The following TGFBR3 variants were observed in gnomAD, a reference collection of about 807,000 sequenced individuals.
TGFBR3 encodes transforming growth factor beta receptor type 3.
In TGFBR3, 46 loss-of-function variants were observed where a neutral mutation model predicts 87.9. The observed-to-expected ratio is 0.52, with a 90% confidence interval of 0.41 to 0.67. TGFBR3 has a LOEUF of 0.67. Among genes scored for constraint, TGFBR3 ranks in the 30% least tolerant of loss-of-function variants. The pLI, the probability that TGFBR3 is intolerant of heterozygous loss-of-function variation, is 0.00. For missense variants in TGFBR3, 866 were observed against 1,041.9 expected, an observed-to-expected ratio of 0.83 and a Z score of 2.32; for synonymous variants, 381 against 391.6, an observed-to-expected ratio of 0.97 and a Z score of 0.32.
intron 16 of TGFBR3, among the ~76,000 whole-genome samples, chr1:91,691,493 G>GTA (rs1381675593): frequency 6.6e-6 from 1 of 152,204 alleles, no homozygotes; most frequent in Non-Finnish European, 1.5e-5. Context: ...AGGAAAAAGT[G>GTA]TCTATAATCT....
chr1:91,789,156 A>G (rs889945329), intron 3 of TGFBR3, among the ~76,000 whole-genome samples: 1 of 152,098 alleles, frequency 6.6e-6, no homozygotes, highest in African/African-American at 2.4e-5. Context: ...AAAATACAAA[A>G]ATTAGCTGGG....
chr1:91,765,069 G>A (rs72716409), intron 3 of TGFBR3, among the ~76,000 whole-genome samples: 6,417 of 151,328 alleles, frequency 0.042, 228 homozygotes, highest in African/African-American at 0.095. Flanking sequence ...TTTCTTTTTC[G>A]TTCATGAGTT....
intron 14 of TGFBR3, among the ~76,000 whole-genome samples, chr1:91,704,568 G>A (rs998738376): frequency 6.6e-6 from 1 of 152,144 alleles, no homozygotes; most frequent in Non-Finnish European, 1.5e-5. Context: ...ATACAGAGGT[G>A]CTATGAGGAT....
At chr1:91,737,010 G>A (rs1672989432) in intron 4 of TGFBR3, among the ~76,000 whole-genome samples, 1 of 152,214 alleles carries the variant, frequency 6.6e-6, no homozygotes, top group African/African-American at 2.4e-5. Context: ...TCCGAATTGT[G>A]TCCTGAAGTA....
chr1:91,688,010 G>A (rs920850654), intron 16 of TGFBR3, among the ~76,000 whole-genome samples: 35 of 152,114 alleles, frequency 2.3e-4, no homozygotes, highest in African/African-American at 7.2e-4. Flanking sequence ...CAGAGTGAAC[G>A]ATACTACCTT....
intron 1 of TGFBR3, among the ~76,000 whole-genome samples, chr1:91,870,244 C>T (rs17131583): frequency 0.028 from 4,197 of 152,304 alleles, 156 homozygotes; most frequent in African/African-American, 0.084. Context: ...TAGTCCTCAC[C>T]TCATTCCAAA....
chr1:91,708,948 G>C (rs1371945029), intron 13 of TGFBR3, among the ~76,000 whole-genome samples, 165 bp from the exon 14 acceptor site: 1 of 152,190 alleles, frequency 6.6e-6, no homozygotes, highest in Non-Finnish European at 1.5e-5. Flanking sequence ...AATAACCTGG[G>C]AGATATGACA....
At chr1:91,880,606 T>A (rs865788507) in intron 1 of TGFBR3, among the ~76,000 whole-genome samples, 1 of 151,248 alleles carries the variant, frequency 6.6e-6, no homozygotes, top group Non-Finnish European at 1.5e-5. Flanking sequence ...CCAAAAAAAA[T>A]AAAAATAAAA....
At chr1:91,871,026 G>C (rs1305357671) in intron 1 of TGFBR3, among the ~76,000 whole-genome samples, 2 of 150,818 alleles carry the variant, frequency 1.3e-5, no homozygotes, top group Admixed American at 1.3e-4. Flanking sequence ...AACAGAGTGG[G>C]ACTCTGCTCT....
chr1:91,853,239 T>C (rs2101153954), intron 2 of TGFBR3, among the ~76,000 whole-genome samples: 1 of 139,408 alleles, frequency 7.2e-6, no homozygotes, highest in South Asian at 2.3e-4. Context: ...ACTAGCTGTG[T>C]TCTAAGACCT....
At chr1:91,865,202 CAAAAA>C (rs67134125) in intron 1 of TGFBR3, among the ~76,000 whole-genome samples, 2 of 105,258 alleles carry the variant, frequency 1.9e-5, no homozygotes, top group Non-Finnish European at 3.8e-5. Context: ...GACTCCATCT[CAAAAA>C]AAAAAAAAAA....
At chr1:91,800,851 G>A (rs1041904081) in intron 2 of TGFBR3, 9 of 163,218 alleles carry the variant, frequency 5.5e-5, no homozygotes, top group Non-Finnish European at 8.1e-5. Flanking sequence ...TCAGGAGGCC[G>A]AAGCGGGTGG....
At chr1:91,847,073 A>T (rs1677531251) in intron 2 of TGFBR3, among the ~76,000 whole-genome samples, 2 of 152,234 alleles carry the variant, frequency 1.3e-5, no homozygotes. Context: ...AACAGTGATG[A>T]GGCCAGAGAA....
At chr1:91,726,986 T>C (rs988826145) in intron 7 of TGFBR3, among the ~76,000 whole-genome samples, 1 of 152,250 alleles carries the variant, frequency 6.6e-6, no homozygotes, top group African/African-American at 2.4e-5. Context: ...GGAAACCAGC[T>C]GCTGTTTGCC....
At chr1:91,734,730 T>C (rs770465439) in intron 5 of TGFBR3, 46 bp downstream of exon 5, 4 of 1,603,802 alleles carry the variant, frequency 2.5e-6, no homozygotes, top group South Asian at 2.2e-5. Context: ...AAGAAAACAA[T>C]TGCCTGTCAT....
At chr1:91,801,096 AAAAAG>A (rs1178211703) in intron 2 of TGFBR3, 8 of 222,418 alleles carry the variant, frequency 3.6e-5, no homozygotes, top group Non-Finnish European at 6.3e-5. Context: ...AAAAAAAAAA[AAAAAG>A]AGAGAGAGAG....
chr1:91,856,465 G>A (rs370938982), intron 2 of TGFBR3, among the ~76,000 whole-genome samples: 1 of 151,720 alleles, frequency 6.6e-6, no homozygotes. Context: ...ATCACAAGCA[G>A]AGAAGGAAAG....
chr1:91,845,149 G>T (rs1259342404), intron 2 of TGFBR3, among the ~76,000 whole-genome samples: 4 of 152,212 alleles, frequency 2.6e-5, no homozygotes, highest in African/African-American at 9.6e-5. Flanking sequence ...CCTTTCCTGA[G>T]TTCAGGGAGA....
At chr1:91,770,001 ACT>A (rs1674319327) in intron 3 of TGFBR3, among the ~76,000 whole-genome samples, 1 of 152,230 alleles carries the variant, frequency 6.6e-6, no homozygotes, top group Non-Finnish European at 1.5e-5. Flanking sequence ...ATTTCAAGAC[ACT>A]GAGTCTCAGC....
Sources: gnomAD v4.1 joint callset for allele counts (sites outside exome capture counted in the v4.1 genomes callset) on GRCh38, gnomAD v4.1.1 for gene constraint, MANE v1.5 for transcripts, NCBI Gene and HGNC (gene_info 2026-07-23, HGNC 2026-07-21) for gene names.